Variants in BTBD9 observed in about 807,000 individuals in gnomAD.
The protein encoded by BTBD9 is BTB domain containing 9, also known as BTB/POZ domain-containing protein 9.
BTBD9 carries 49 observed loss-of-function variants against 64.3 expected under a neutral mutation model. The observed-to-expected ratio is 0.76, with a 90% CI of 0.61 to 0.97. The LOEUF is 0.97. Ranked by LOEUF, BTBD9 falls within the 50% of genes least tolerant of loss-of-function variation. BTBD9 has a pLI of 0.00. For missense variants in BTBD9, 598 were observed against 762.1 expected (o/e 0.78, Z 2.53); for synonymous variants, 260 against 274.7 (o/e 0.95, Z 0.53).
intron 6 of BTBD9, among the ~76,000 whole-genome samples, chr6:38,503,453 AG>A (rs1772308234): frequency 1.3e-5 from 2 of 151,950 alleles, no homozygotes; most frequent in African/African-American, 4.8e-5. Context: ...TCTTATCACT[AG>A]CAGTTAAACA....
At chr6:38,345,404 G>GT (rs1394363262) in intron 6 of BTBD9, among the ~76,000 whole-genome samples, 2 of 152,176 alleles carry the variant, frequency 1.3e-5, no homozygotes, top group African/African-American at 4.8e-5. Context: ...GTACATGACC[G>GT]TAAGACATTT....
intron 9 of BTBD9, among the ~76,000 whole-genome samples, chr6:38,231,942 A>AGG (rs1369786012): frequency 1.3e-5 from 2 of 152,238 alleles, no homozygotes; most frequent in African/African-American, 4.8e-5. Context: ...GAAATAAGGA[A>AGG]GGGGTGGGCA....
At chr6:38,496,368 C>A (rs997485870) in intron 6 of BTBD9, among the ~76,000 whole-genome samples, 1 of 151,984 alleles carries the variant, frequency 6.6e-6, no homozygotes, top group African/African-American at 2.4e-5. Flanking sequence ...ATCAGCCAGG[C>A]GCAGTGGTTC....
intron 6 of BTBD9, among the ~76,000 whole-genome samples, chr6:38,434,138 G>A (rs1768591590): frequency 6.6e-6 from 1 of 151,982 alleles, no homozygotes; most frequent in Admixed American, 6.6e-5. Context: ...GCCATATTCT[G>A]AAATGGCCCT....
intron 6 of BTBD9, among the ~76,000 whole-genome samples, chr6:38,514,780 G>C (rs1317686289): frequency 6.6e-6 from 1 of 151,100 alleles, no homozygotes; most frequent in Non-Finnish European, 1.5e-5. Context: ...AACCTTAAAT[G>C]TCTGACTTCA....
At chr6:38,487,348 A>T (rs1280644678) in intron 6 of BTBD9, among the ~76,000 whole-genome samples, 1 of 152,174 alleles carries the variant, frequency 6.6e-6, no homozygotes, top group Non-Finnish European at 1.5e-5. Flanking sequence ...TGGGAGACCG[A>T]GGAGGGCAGA....
At chr6:38,521,907 C>A (rs139319425) in intron 6 of BTBD9, among the ~76,000 whole-genome samples, 1,558 of 152,148 alleles carry the variant, frequency 0.01, 23 homozygotes, top group Middle Eastern at 0.031. Context: ...ACTCTTGACC[C>A]CAGGTGATCC....
chr6:38,213,221 C>A (rs1475739336), intron 9 of BTBD9, among the ~76,000 whole-genome samples: 1 of 152,084 alleles, frequency 6.6e-6, no homozygotes, highest in Non-Finnish European at 1.5e-5. Context: ...TATTTTAGAT[C>A]TAATGACAAG....
chr6:38,451,823 T>C (rs1022745373), intron 6 of BTBD9, among the ~76,000 whole-genome samples: 11 of 152,120 alleles, frequency 7.2e-5, no homozygotes, highest in African/African-American at 1.2e-4. Context: ...CCAGTGGTCA[T>C]TGATCCTTGG....
intron 6 of BTBD9, among the ~76,000 whole-genome samples, chr6:38,477,547 G>A (rs1770942155): frequency 6.6e-6 from 1 of 152,082 alleles, no homozygotes; most frequent in African/African-American, 2.4e-5. Flanking sequence ...CCTGTGCTTT[G>A]TATTTATATC....
chr6:38,215,914 C>T (rs1762994901), intron 9 of BTBD9, among the ~76,000 whole-genome samples: 1 of 152,240 alleles, frequency 6.6e-6, no homozygotes, highest in African/African-American at 2.4e-5. Context: ...CTGCGCCCCC[C>T]ACACCACTGC....
At chr6:38,288,155 G>A (rs184408402) in intron 8 of BTBD9, 117 bp downstream of exon 8, 1 of 1,096,340 alleles carries the variant, frequency 9.1e-7, no homozygotes, top group East Asian at 2.4e-5. Context: ...TTGATACTTA[G>A]AGCAAAGAAC....
chr6:38,444,421 T>C (rs181412348), intron 6 of BTBD9, among the ~76,000 whole-genome samples: 134 of 152,340 alleles, frequency 8.8e-4, no homozygotes, highest in African/African-American at 2.9e-3. Context: ...ACTTCAATTC[T>C]CTTCCTCTAG....
chr6:38,186,410 A>G (rs1761821572), intron 10 of BTBD9, among the ~76,000 whole-genome samples: 1 of 152,216 alleles, frequency 6.6e-6, no homozygotes, highest in Non-Finnish European at 1.5e-5. Context: ...TGGTGCACAT[A>G]CTTTTCCATT....
At chr6:38,247,946 T>G (rs1380241810) in intron 9 of BTBD9, among the ~76,000 whole-genome samples, 1 of 152,210 alleles carries the variant, frequency 6.6e-6, no homozygotes, top group Non-Finnish European at 1.5e-5. Flanking sequence ...AAATTTTTTT[T>G]TTCAAGTAAA....
intron 9 of BTBD9, among the ~76,000 whole-genome samples, chr6:38,208,486 T>TG (rs1762729279): frequency 3.4e-4 from 2 of 5,850 alleles, no homozygotes; most frequent in Non-Finnish European, 6.7e-4. Flanking sequence ...GGAATTACTG[T>TG]TTAACAGCCC....
At position 38,171,864 on chromosome 6, in the gene BTBD9, A is replaced by C. The variant is rs1227262224; in HGVS notation, c.*3121T>G. On this transcript the variant is annotated 3_prime_UTR_variant, in exon 11 of 11. Coordinates refer to ENST00000481247, the MANE Select transcript of BTBD9 (RefSeq NM_001099272.2). ...CTACTCTCAAAAAAAAAAAAAAAAA[A>C]AAAAAAAAAAAAAAAAAATAATAAT... 184 of 98,592 alleles carry C rather than the reference A, an allele frequency of 1.9e-3. 5 individuals carry two copies. Among genetic ancestry groups the C allele is most frequent in the Middle Eastern group, 0.01 (2 of 192 alleles). 6.1% of individuals were successfully genotyped at this position (98,592 alleles called of 1,614,324 possible).
Position 38,397,332 on chromosome 6 carries a change from T to C in BTBD9, c.1155-52239A>G, listed in dbSNP as rs75793386. On this transcript the variant is annotated intron_variant, in intron 6 of 10. Coordinates refer to ENST00000481247, the MANE Select transcript of BTBD9 (RefSeq NM_001099272.2). ...ACAAGTTAAGCAAGAAAAGGGCAAT[T>C]AGTTATTGCAATGGAGATGTAGAAA... 6.6e-3 allele frequency among the ~76,000 whole-genome samples: 999 copies of C among 152,252 alleles called. 8 individuals are homozygous for C. Among genetic ancestry groups the C allele is most frequent in the African/African-American group, 0.023 (946 of 41,532 alleles).
chr6:38,617,312 C>A (rs924210260), intron 1 of BTBD9, among the ~76,000 whole-genome samples: 1 of 152,150 alleles, frequency 6.6e-6, no homozygotes, highest in Non-Finnish European at 1.5e-5. Context: ...ATCACCCAAG[C>A]GAGACTTGCC....
Sources: allele counts gnomAD v4.1 joint callset (sites outside exome capture counted in the v4.1 genomes callset), GRCh38; gene constraint gnomAD v4.1.1; transcripts MANE v1.5; gene names NCBI Gene and HGNC (gene_info 2026-07-23, HGNC 2026-07-21).